FAM107B: variants seen among roughly 807,000 people sequenced by gnomAD.
FAM107B encodes the protein protein FAM107B.
A neutral mutation model predicts 31.5 loss-of-function variants in FAM107B; 21 were observed. That is an observed-to-expected ratio of 0.67 (90% CI 0.47 to 0.96). The LOEUF is 0.96. FAM107B is among the 40% of genes least tolerant of loss of function. The probability of loss-of-function intolerance (pLI) is 0.00; values close to 1 mark genes in which losing one functional copy is unlikely to be tolerated. For missense variants in FAM107B, 452 were observed against 377.1 expected, an observed-to-expected ratio of 1.20 and a Z score of -1.64; for synonymous variants, 157 against 141.5, an observed-to-expected ratio of 1.11 and a Z score of -0.78.
At chr10:14,629,515 A>G (rs2131415857) in intron 2 of FAM107B, among the ~76,000 whole-genome samples, 1 of 117,934 alleles carries the variant, frequency 8.5e-6, no homozygotes, top group Admixed American at 1.1e-4. Flanking sequence ...TAATATATAT[A>G]TATATATTTT....
intron 1 of FAM107B, among the ~76,000 whole-genome samples, chr10:14,725,821 C>CTTTTTTTTTTTTTT (rs759788163): frequency 1.1e-5 from 1 of 94,300 alleles, no homozygotes; most frequent in Non-Finnish European, 1.9e-5. Flanking sequence ...CAGTCAAATC[C>CTTTTTTTTTTTTTT]TTTTTTTTTT....
chr10:14,622,274 G>C (rs959100307), intron 2 of FAM107B, among the ~76,000 whole-genome samples: 1 of 151,730 alleles, frequency 6.6e-6, no homozygotes, highest in East Asian at 1.9e-4. Context: ...AATAAATGCT[G>C]TGATGGACAA....
At chr10:14,743,465 C>T (rs1832663573) in intron 1 of FAM107B, among the ~76,000 whole-genome samples, 1 of 152,212 alleles carries the variant, frequency 6.6e-6, no homozygotes, top group Non-Finnish European at 1.5e-5. Context: ...AGATTTTCTT[C>T]TAGGGTTTTC....
chr10:14,551,829 T>C (rs890095603), intron 2 of FAM107B, among the ~76,000 whole-genome samples: 30 of 152,278 alleles, frequency 2.0e-4, no homozygotes, highest in African/African-American at 7.2e-4. Flanking sequence ...TCCCTATTTG[T>C]ACCTTTCTGG....
intron 2 of FAM107B, among the ~76,000 whole-genome samples, chr10:14,545,416 T>C (rs1280372956): frequency 6.6e-6 from 1 of 152,184 alleles, no homozygotes; most frequent in African/African-American, 2.4e-5. Flanking sequence ...AACATCCCCA[T>C]TAATATATCT....
intron 2 of FAM107B, among the ~76,000 whole-genome samples, chr10:14,576,859 T>C (rs1178218614): frequency 1.3e-5 from 2 of 152,186 alleles, no homozygotes; most frequent in Non-Finnish European, 2.9e-5. Flanking sequence ...GATCCCTGAA[T>C]AGAGAAGGGG....
intron 2 of FAM107B, among the ~76,000 whole-genome samples, chr10:14,583,927 T>C (rs535887782): frequency 1.3e-5 from 2 of 152,280 alleles, no homozygotes; most frequent in East Asian, 1.9e-4. Flanking sequence ...GTGGTCACCG[T>C]TGTTCATAGG....
intron 2 of FAM107B, among the ~76,000 whole-genome samples, chr10:14,598,654 A>G (rs1852265121): frequency 6.6e-6 from 1 of 152,180 alleles, no homozygotes; most frequent in Non-Finnish European, 1.5e-5. Flanking sequence ...GTCAACAATA[A>G]AACACCGTAC....
At chr10:14,684,977 T>C (rs1219040294) in intron 1 of FAM107B, among the ~76,000 whole-genome samples, 1 of 151,876 alleles carries the variant, frequency 6.6e-6, no homozygotes, top group African/African-American at 2.4e-5. Flanking sequence ...TGCACTACTA[T>C]GCCTGGCTAA....
intron 2 of FAM107B, among the ~76,000 whole-genome samples, chr10:14,585,865 A>G (rs545946337): frequency 1.3e-5 from 2 of 152,270 alleles, no homozygotes; most frequent in East Asian, 3.9e-4. Context: ...CACAGCAGTC[A>G]TTGCTGAGTA....
At chr10:14,590,189 C>T (rs765377799) in intron 2 of FAM107B, among the ~76,000 whole-genome samples, 7 of 152,194 alleles carry the variant, frequency 4.6e-5, no homozygotes, top group Non-Finnish European at 8.8e-5. Context: ...TCTATGGCTT[C>T]TCCAAGCTCA....
At chr10:14,647,781 C>T (rs1036848208) in intron 2 of FAM107B, among the ~76,000 whole-genome samples, 1 of 151,812 alleles carries the variant, frequency 6.6e-6, no homozygotes, top group Non-Finnish European at 1.5e-5. Context: ...ATTCTGGACT[C>T]ATCTCAGAGT....
Position 14,521,237 on chromosome 10 carries a change from T to G in FAM107B, c.874A>C (p.Asn292His). ...ACTTCTTGGCCTGTTCTCCTGAGATTGCCTTTCACCTTCACAAACTCGGGG... is the reference window on the plus strand; with the variant it reads ...ACTTCTTGGCCTGTTCTCCTGAGATGGCCTTTCACCTTCACAAACTCGGGG... ...NAPEFVKVKG[N>H]LRRTGQEVAQ... The change falls in exon 5 of 5, where the codon AAT becomes CAT. Residue 292 changes from asparagine to histidine, a missense_variant. Asn to His is a moderately conservative substitution (Grantham distance 68). Coordinates refer to ENST00000181796, the MANE Select transcript of FAM107B (RefSeq NM_031453.4). The G allele has an allele frequency of 6.2e-7, 1 of 1,614,220 alleles. No homozygotes were observed. The highest frequency in any genetic ancestry group is 8.5e-7 in the Non-Finnish European group (1 of 1,180,018).
chr10:14,693,338 C>A (rs887448757), intron 1 of FAM107B, among the ~76,000 whole-genome samples: 1 of 151,938 alleles, frequency 6.6e-6, no homozygotes, highest in African/African-American at 2.4e-5. Context: ...ACTAGCAGGG[C>A]GTGGTGGTGG....
intron 2 of FAM107B, among the ~76,000 whole-genome samples, chr10:14,587,501 G>A (rs1300757123): frequency 6.6e-6 from 1 of 152,112 alleles, no homozygotes; most frequent in Non-Finnish European, 1.5e-5. Flanking sequence ...TTCATGGTAT[G>A]AACAACTATT....
chr10:14,620,241 T>C (rs764759258), intron 2 of FAM107B, among the ~76,000 whole-genome samples: 37 of 152,190 alleles, frequency 2.4e-4, no homozygotes, highest in Non-Finnish European at 3.7e-4. Context: ...ATGGTCTCGA[T>C]GTCTCGACCT....
At chr10:14,718,486 G>A (rs1338124230) in intron 1 of FAM107B, among the ~76,000 whole-genome samples, 5 of 127,714 alleles carry the variant, frequency 3.9e-5, no homozygotes, top group African/African-American at 1.4e-4. Context: ...GAGGGAGGGA[G>A]AGAAGGAAGG....
At chr10:14,689,216 A>C (rs3107790) in intron 1 of FAM107B, among the ~76,000 whole-genome samples, 49,145 of 151,156 alleles carry the variant, frequency 0.33, 8,132 homozygotes, top group Admixed American at 0.37. Flanking sequence ...CTCATCTCTA[A>C]AAAAAATACA....
chr10:14,643,269 A>T (rs945823679), intron 2 of FAM107B, among the ~76,000 whole-genome samples: 5 of 152,050 alleles, frequency 3.3e-5, no homozygotes, highest in African/African-American at 1.2e-4. Flanking sequence ...AAAACCCAAG[A>T]AGAACCAATG....
Sources: gnomAD v4.1 joint callset for allele counts (sites outside exome capture counted in the v4.1 genomes callset) on GRCh38, gnomAD v4.1.1 for gene constraint, MANE v1.5 for transcripts, NCBI Gene and HGNC (gene_info 2026-07-23, HGNC 2026-07-21) for gene names.